Variants in ANO3 observed in about 807,000 individuals in gnomAD.
ANO3 encodes the protein anoctamin 3, also known as anoctamin-3.
In ANO3, 99 loss-of-function variants were observed where a neutral mutation model predicts 144.8. That is an observed-to-expected ratio of 0.68 (90% CI 0.58 to 0.81). The LOEUF is 0.81. Among genes scored for constraint, ANO3 ranks in the 30% least tolerant of loss-of-function variants. ANO3 has a pLI of 0.00. For missense variants in ANO3, 905 were observed against 1,202.2 expected (o/e 0.75, Z 3.66); for synonymous variants, 414 against 392.6 (o/e 1.05, Z -0.64).
At chr11:26,655,367 A>G (rs190636466) in intron 24 of ANO3, among the ~76,000 whole-genome samples, 2 of 152,314 alleles carry the variant, frequency 1.3e-5, no homozygotes, top group Non-Finnish European at 2.9e-5. Flanking sequence ...GGGAAAGAAT[A>G]GGTGATTGCC....
At chr11:26,214,847 T>C (rs1852004974) in intron 1 of ANO3, among the ~76,000 whole-genome samples, 1 of 152,022 alleles carries the variant, frequency 6.6e-6, no homozygotes. Flanking sequence ...TTAGTTGCCA[T>C]GATTCTCTTG....
intron 1 of ANO3, among the ~76,000 whole-genome samples, chr11:26,355,802 C>A (rs1855767116): frequency 6.6e-6 from 1 of 152,172 alleles, no homozygotes; most frequent in South Asian, 2.1e-4. Context: ...TCAGGTGATC[C>A]GTCCGCCTTG....
At chr11:26,454,286 G>A (rs1299776943) in intron 3 of ANO3, among the ~76,000 whole-genome samples, 1 of 152,138 alleles carries the variant, frequency 6.6e-6, no homozygotes, top group Non-Finnish European at 1.5e-5. Context: ...ATGAATCCAG[G>A]AGCTGGTTTT....
intron 1 of ANO3, among the ~76,000 whole-genome samples, chr11:26,217,618 G>T (rs1169334326): frequency 3.3e-5 from 5 of 152,000 alleles, no homozygotes; most frequent in African/African-American, 1.2e-4. Flanking sequence ...ATACATAGGG[G>T]TGATGTAAAG....
intron 4 of ANO3, among the ~76,000 whole-genome samples, chr11:26,466,943 G>A (rs1859622423): frequency 6.6e-6 from 1 of 151,942 alleles, no homozygotes; most frequent in Non-Finnish European, 1.5e-5. Context: ...TTAATTCTAT[G>A]GAGCCCAAGT....
chr11:26,327,312 GT>G (rs1590262697), upstream of ANO3, among the ~76,000 whole-genome samples: 2 of 152,270 alleles, frequency 1.3e-5, no homozygotes, highest in East Asian at 3.9e-4. Flanking sequence ...AAGCATACAT[GT>G]ATAATGCATG....
chr11:26,353,692 C>G (rs1327387452), intron 1 of ANO3, among the ~76,000 whole-genome samples: 2 of 152,188 alleles, frequency 1.3e-5, no homozygotes, highest in Non-Finnish European at 2.9e-5. Flanking sequence ...CCTCAGCCCC[C>G]CGAGTAGCTG....
chr11:26,555,924 C>T (rs1287400682), intron 13 of ANO3, among the ~76,000 whole-genome samples: 1 of 151,938 alleles, frequency 6.6e-6, no homozygotes, highest in Non-Finnish European at 1.5e-5. Context: ...AATTCAGTTC[C>T]TTACAGAATC....
At chr11:26,548,509 T>C (rs972356909) in intron 12 of ANO3, among the ~76,000 whole-genome samples, 3 of 152,006 alleles carry the variant, frequency 2.0e-5, no homozygotes, top group Admixed American at 6.6e-5. Context: ...ACATGACAGT[T>C]AATGCTAAGG....
chr11:26,511,260 GT>G (rs1861652863), intron 5 of ANO3, among the ~76,000 whole-genome samples: 1 of 152,080 alleles, frequency 6.6e-6, no homozygotes, highest in African/African-American at 2.4e-5. Context: ...AGCTACCCCA[GT>G]TTTCCAGAAC....
At chr11:26,224,589 C>A (rs533725891) in intron 1 of ANO3, among the ~76,000 whole-genome samples, 1 of 152,320 alleles carries the variant, frequency 6.6e-6, no homozygotes, top group East Asian at 1.9e-4. Context: ...CCCAGGGCCA[C>A]ATTTTTACTA....
intron 4 of ANO3, 44 bp downstream of exon 4, chr11:26,463,192 T>A (rs1859480837): frequency 9.6e-7 from 1 of 1,040,194 alleles, no homozygotes; most frequent in African/African-American, 1.6e-5. Context: ...TAGAGCATCA[T>A]TTTTAAAACC....
At chr11:26,404,959 G>GTGTT (rs1565005515) in intron 1 of ANO3, among the ~76,000 whole-genome samples, 5 of 150,618 alleles carry the variant, frequency 3.3e-5, no homozygotes, top group African/African-American at 1.2e-4. Flanking sequence ...GTGTGTGTGT[G>GTGTT]TGTGTGTGTG....
At chr11:26,212,259 C>A (rs1851949929) in intron 1 of ANO3, among the ~76,000 whole-genome samples, 1 of 151,366 alleles carries the variant, frequency 6.6e-6, no homozygotes, top group Admixed American at 6.6e-5. Flanking sequence ...AATTCAAAAG[C>A]TACCAGGAGA....
Position 26,632,329 on chromosome 11 carries a change from A to G in ANO3, c.1874-1875A>G, listed in dbSNP as rs966323974. Among the ~76,000 whole-genome samples the G allele has an allele frequency of 4.6e-4, 69 of 151,638 alleles. 1 individual carries two copies. The highest frequency in any genetic ancestry group is 1.6e-3 in the African/African-American group (68 of 41,380). ...CAGGAGTTCGAGACCAGTCTGGCCA[A>G]CATGTTGAAACCCTGTCTCTGCCAA... On this transcript the variant is annotated intron_variant, in intron 18 of 26. Transcript: ENST00000256737.
chr11:26,532,569 A>G (rs1849401006), intron 8 of ANO3, among the ~76,000 whole-genome samples: 1 of 152,140 alleles, frequency 6.6e-6, no homozygotes. Flanking sequence ...GTTACTGCCC[A>G]GCACTATCAC....
At chr11:26,332,115 G>C (rs924650504), upstream of ANO3, 184 of 1,484,562 alleles carry the variant, frequency 1.2e-4, 6 homozygotes, top group South Asian at 2.1e-3. Flanking sequence ...AACGACACCG[G>C]CGGGCGCGTA....
At position 26,598,936 on chromosome 11, in the gene ANO3, C is replaced by T. The variant is rs777170812; in HGVS notation, c.1609C>T (p.His537Tyr). Residue 537 changes from histidine to tyrosine, a missense_variant, in exon 16 of 27, where the codon CAT (histidine) becomes TAT (tyrosine). Around this residue, in one of 4 missense-constraint regions of ANO3, gnomAD observed 597 missense variants for 865.1 expected, o/e 0.69. Transcript: ENST00000256737. ...VNPITGKPEP[H>Y]QPSSDKVTRL... The stretch of plus-strand genomic sequence containing the variant: ...TCCCATCACGGGAAAACCTGAACCA[C>T]ATCAGCCTTCCTCAGACAAAGTCAC... 6.2e-7 allele frequency: 1 copy of T among 1,614,026 alleles called. No individual in the cohort carries two copies. Among genetic ancestry groups the T allele is most frequent in the Non-Finnish European group, 8.5e-7 (1 of 1,179,958 alleles).
chr11:26,627,096 C>G (rs76380390), intron 18 of ANO3, among the ~76,000 whole-genome samples: 25,452 of 151,756 alleles, frequency 0.17, 2,498 homozygotes, highest in East Asian at 0.33. Context: ...ATTTTATTCT[C>G]TCGGTTTCTT....
Sources: allele counts gnomAD v4.1 joint callset (sites outside exome capture counted in the v4.1 genomes callset), GRCh38; gene constraint gnomAD v4.1.1; regional missense constraint gnomAD v4.1.1; transcripts MANE v1.5; gene names NCBI Gene and HGNC (gene_info 2026-07-23, HGNC 2026-07-21).